The following DOCK3 variants were observed in gnomAD, a reference collection of about 807,000 sequenced individuals.
DOCK3 encodes the protein dedicator of cytokinesis 3.
In DOCK3, 60 loss-of-function variants were observed where a neutral mutation model predicts 265.6. The ratio of observed to expected loss-of-function variants is 0.23; its 90% CI spans 0.18 to 0.28. The LOEUF is 0.28. Ranked by LOEUF, DOCK3 falls within the 10% of genes least tolerant of loss-of-function variation. DOCK3 has a pLI of 1.00. For missense variants in DOCK3, 1,981 were observed against 2,594.3 expected, an observed-to-expected ratio of 0.76 and a Z score of 5.14; for synonymous variants, 881 against 938.0, an observed-to-expected ratio of 0.94 and a Z score of 1.11.
At chr3:51,084,953 G>A (rs915995332) in intron 7 of DOCK3, among the ~76,000 whole-genome samples, 5 of 151,990 alleles carry the variant, frequency 3.3e-5, no homozygotes, top group Admixed American at 1.3e-4. Context: ...TACCTATAAC[G>A]ACACACATAG....
chr3:51,159,885 C>A (rs2086046794), intron 11 of DOCK3, among the ~76,000 whole-genome samples: 1 of 152,040 alleles, frequency 6.6e-6, no homozygotes, highest in Non-Finnish European at 1.5e-5. Flanking sequence ...TGAACCAAGT[C>A]CTCCTTCATA....
chr3:51,160,517 T>G (rs759092879), intron 11 of DOCK3, 38 bp from the exon 12 acceptor site: 1 of 1,575,100 alleles, frequency 6.3e-7, no homozygotes, highest in South Asian at 1.2e-5. Context: ...AGGAGCATGC[T>G]TTTCTCAGTC....
At chr3:51,187,583 G>A (rs2087684568) in intron 12 of DOCK3, among the ~76,000 whole-genome samples, 2 of 152,118 alleles carry the variant, frequency 1.3e-5, no homozygotes, top group South Asian at 4.1e-4. Context: ...GTTTGGCTCT[G>A]TGTCCCCACC....
intron 2 of DOCK3, among the ~76,000 whole-genome samples, chr3:50,837,409 C>T (rs751698889): frequency 5.3e-5 from 8 of 152,134 alleles, no homozygotes; most frequent in Non-Finnish European, 7.4e-5. Context: ...GAAGCAAACA[C>T]GTCCTTCTTC....
At chr3:51,156,070 T>C (rs192658516) in intron 10 of DOCK3, among the ~76,000 whole-genome samples, 121 of 152,292 alleles carry the variant, frequency 7.9e-4, no homozygotes, top group Non-Finnish European at 1.3e-3. Flanking sequence ...TTTTTAGAGT[T>C]CAGAATTGAA....
chr3:50,849,581 G>A (rs2046262520), intron 3 of DOCK3, among the ~76,000 whole-genome samples: 1 of 151,152 alleles, frequency 6.6e-6, no homozygotes, highest in Non-Finnish European at 1.5e-5. Context: ...AACGTCCTGA[G>A]TAGCTGGGAC....
chr3:51,016,556 T>TTTA (rs1559944141), intron 5 of DOCK3, among the ~76,000 whole-genome samples: 109 of 3,308 alleles, frequency 0.033, 8 homozygotes, highest in African/African-American at 0.14. Flanking sequence ...TTTATATATA[T>TTTA]CATATATTAT....
At chr3:51,033,128 G>C (rs2080119261) in intron 5 of DOCK3, among the ~76,000 whole-genome samples, 1 of 152,186 alleles carries the variant, frequency 6.6e-6, no homozygotes, top group Non-Finnish European at 1.5e-5. Context: ...GATCAGGACT[G>C]TATGAGGTGG....
intron 22 of DOCK3, among the ~76,000 whole-genome samples, chr3:51,248,751 C>T (rs1423203331): frequency 4.0e-5 from 6 of 150,908 alleles, no homozygotes; most frequent in Non-Finnish European, 5.9e-5. Flanking sequence ...AAGTGAGGAG[C>T]GCCTCTTCCC....
intron 5 of DOCK3, among the ~76,000 whole-genome samples, chr3:50,956,557 T>A (rs2076736263): frequency 6.6e-6 from 1 of 152,212 alleles, no homozygotes; most frequent in Non-Finnish European, 1.5e-5. Context: ...GCATCCATTA[T>A]TCCATTTTAT....
At chr3:51,255,887 C>T (rs2079519841) in intron 22 of DOCK3, among the ~76,000 whole-genome samples, 1 of 152,198 alleles carries the variant, frequency 6.6e-6, no homozygotes, top group South Asian at 2.1e-4. Flanking sequence ...AGTCATTCTC[C>T]ATCCATCTTT....
intron 5 of DOCK3, among the ~76,000 whole-genome samples, chr3:51,041,188 ATATATATATATATATATTTTTTTTTTT>A (rs2080495081): frequency 7.5e-5 from 1 of 13,292 alleles, no homozygotes; most frequent in African/African-American, 4.4e-4. Context: ...ATATATATAT[ATATATATATATATATATTTTTTTTTTT>A]TTTTTTTTTT....
chr3:51,222,675 A>G (rs1576454534), intron 14 of DOCK3, among the ~76,000 whole-genome samples: 1 of 152,158 alleles, frequency 6.6e-6, no homozygotes, highest in East Asian at 1.9e-4. Flanking sequence ...GCAGCTAAAG[A>G]CCTGATGAAA....
chr3:50,949,853 A>G (rs1245910897), intron 5 of DOCK3, among the ~76,000 whole-genome samples: 2 of 152,076 alleles, frequency 1.3e-5, no homozygotes, highest in Non-Finnish European at 2.9e-5. Context: ...CTATTTTAGT[A>G]ACCTATATAG....
intron 5 of DOCK3, among the ~76,000 whole-genome samples, chr3:51,040,021 A>C (rs935471314): frequency 1.3e-5 from 2 of 151,542 alleles, no homozygotes; most frequent in African/African-American, 2.4e-5. Flanking sequence ...TCTTTAAACC[A>C]TCTGGGACTC....
chr3:50,929,481 C>T (rs1329298693), intron 4 of DOCK3, among the ~76,000 whole-genome samples: 2 of 152,240 alleles, frequency 1.3e-5, no homozygotes, highest in Admixed American at 6.5e-5. Context: ...TCTTCTTTTC[C>T]GAAACTTCAA....
At chr3:50,710,425 A>C (rs758775625) in intron 1 of DOCK3, among the ~76,000 whole-genome samples, 2 of 152,218 alleles carry the variant, frequency 1.3e-5, no homozygotes, top group Non-Finnish European at 2.9e-5. Context: ...GCTCAACATC[A>C]CTATCAGGGA....
chr3:51,059,310 A>C (rs2081318701), intron 5 of DOCK3, among the ~76,000 whole-genome samples: 1 of 152,116 alleles, frequency 6.6e-6, no homozygotes, highest in South Asian at 2.1e-4. Context: ...TTCACCTCCT[A>C]ATACCATTGC....
chr3:51,007,526 T>C (rs2078732851), intron 5 of DOCK3, among the ~76,000 whole-genome samples: 1 of 152,260 alleles, frequency 6.6e-6, no homozygotes, highest in Non-Finnish European at 1.5e-5. Flanking sequence ...ATTAGCCCTT[T>C]GTCAGATGGG....
Sources: gnomAD v4.1 joint callset for allele counts (sites outside exome capture counted in the v4.1 genomes callset) on GRCh38, gnomAD v4.1.1 for gene constraint, MANE v1.5 for transcripts, NCBI Gene and HGNC (gene_info 2026-07-23, HGNC 2026-07-21) for gene names.